The following CEP128 variants were observed in gnomAD, a reference collection of about 807,000 sequenced individuals.
CEP128 encodes the protein centrosomal protein 128kDa.
Under a neutral mutation model 156.7 loss-of-function variants are expected in CEP128, and 132 were observed. That is an observed-to-expected ratio of 0.84 (90% CI 0.73 to 0.97). The LOEUF (loss-of-function observed/expected upper bound fraction) is 0.97, where lower values mean the gene tolerates loss of function less well. Ranked by LOEUF, CEP128 falls within the 50% of genes least tolerant of loss-of-function variation. The pLI, the probability that CEP128 is intolerant of heterozygous loss-of-function variation, is 0.00. For synonymous variants in CEP128, 469 were observed against 448.9 expected (o/e 1.04, Z -0.57); for missense variants, 1,252 against 1,281.9 (o/e 0.98, Z 0.36).
At chr14:80,921,754 A>G (rs1884876041) in intron 2 of CEP128, among the ~76,000 whole-genome samples, 1 of 152,202 alleles carries the variant, frequency 6.6e-6, no homozygotes, top group African/African-American at 2.4e-5. Flanking sequence ...GCCTCAGCTC[A>G]GGAGTTTGAG....
At chr14:80,937,262 A>G (rs1008141033) in intron 2 of CEP128, among the ~76,000 whole-genome samples, 1 of 152,212 alleles carries the variant, frequency 6.6e-6, no homozygotes, top group African/African-American at 2.4e-5. Context: ...TAGAGGCTAC[A>G]GTGAGCCAAG....
At chr14:80,733,452 TACAGGTGGTCTAA>T (rs1898380262) in intron 19 of CEP128, among the ~76,000 whole-genome samples, 2 of 151,752 alleles carry the variant, frequency 1.3e-5, no homozygotes, top group Admixed American at 6.6e-5. Flanking sequence ...CCCAGACTAA[TACAGGTGGTCTAA>T]ACAGAAAGAG....
At chr14:80,695,489 G>T (rs1423921354) in intron 19 of CEP128, among the ~76,000 whole-genome samples, 1 of 151,808 alleles carries the variant, frequency 6.6e-6, no homozygotes, top group Non-Finnish European at 1.5e-5. Context: ...GCCAAGGCAG[G>T]CGGATCACTT....
chr14:80,614,328 T>A (rs141823271), intron 19 of CEP128, among the ~76,000 whole-genome samples: 129 of 152,316 alleles, frequency 8.5e-4, no homozygotes, highest in African/African-American at 2.9e-3. Context: ...TTGGGATCTC[T>A]GCAGCATTTG....
Position 80,914,417 on chromosome 14 carries a change from A to C in CEP128, c.148-9T>G. 1 of 1,602,246 alleles carries C rather than the reference A, an allele frequency of 6.2e-7. No individual in the cohort carries two copies. The highest frequency in any genetic ancestry group is 2.2e-5 in the East Asian group (1 of 44,786). ...AGGTTCCGACTGGTATCCTTGAGAA[A>C]GAAAATGGACTGAATTAATTATTCC... On this transcript the variant is annotated splice_polypyrimidine_tract_variant and intron_variant, in intron 3 of 24. Transcript: ENST00000555265.
At chr14:80,866,517 C>A (rs889156425) in intron 8 of CEP128, among the ~76,000 whole-genome samples, 1 of 152,152 alleles carries the variant, frequency 6.6e-6, no homozygotes. Context: ...CCAGCTCAGG[C>A]CATCTGCTGA....
At chr14:80,714,647 C>T (rs560788130) in intron 19 of CEP128, among the ~76,000 whole-genome samples, 2 of 152,162 alleles carry the variant, frequency 1.3e-5, no homozygotes, top group South Asian at 4.2e-4. Flanking sequence ...CACATTGTCT[C>T]CACACTAACG....
At chr14:80,797,767 CATA>C (rs1046316711) in intron 13 of CEP128, among the ~76,000 whole-genome samples, 49 of 152,204 alleles carry the variant, frequency 3.2e-4, no homozygotes, top group African/African-American at 1.2e-3. Flanking sequence ...TGTACAAACA[CATA>C]ATAAATCCAT....
At chr14:80,893,580 T>C (rs772025780) in intron 8 of CEP128, among the ~76,000 whole-genome samples, 1 of 151,526 alleles carries the variant, frequency 6.6e-6, no homozygotes, top group Non-Finnish European at 1.5e-5. Flanking sequence ...CTTTATACTA[T>C]CTACATATAT....
chr14:80,801,776 T>TAGC (rs1883870751), intron 13 of CEP128, among the ~76,000 whole-genome samples: 1 of 150,892 alleles, frequency 6.6e-6, no homozygotes, highest in African/African-American at 2.4e-5. Context: ...GGCACAGTGG[T>TAGC]GGGTGCCTGT....
At chr14:80,653,247 T>C (rs936211184) in intron 19 of CEP128, among the ~76,000 whole-genome samples, 4 of 152,080 alleles carry the variant, frequency 2.6e-5, no homozygotes, top group African/African-American at 9.7e-5. Flanking sequence ...GACGGGTTGA[T>C]GGGTGCAGCA....
rs1183776459 is a variant in CEP128, at chr14:80,885,821, CA to C, written c.645+9896del. ...GTAGGCTTCAGAAGGTGGGTAACAACAAATTCCTCTAAGCTAAAGGAGAATG... is the reference window on the plus strand; with the variant it reads ...GTAGGCTTCAGAAGGTGGGTAACAACAATTCCTCTAAGCTAAAGGAGAATG... On this transcript the variant is annotated intron_variant, in intron 8 of 24. Transcript: ENST00000555265. Among the ~76,000 whole-genome samples the C allele has an allele frequency of 3.3e-5, 5 of 152,164 alleles. 1 individual carries two copies. The South Asian group carries it at 6.2e-4, about 19-fold the overall frequency.
intron 14 of CEP128, among the ~76,000 whole-genome samples, chr14:80,479,367 G>A (rs947731950): frequency 1.3e-5 from 2 of 152,132 alleles, no homozygotes; most frequent in African/African-American, 4.8e-5. Context: ...ACAAAAAGAG[G>A]TTTAATTGGA....
intron 9 of CEP128, among the ~76,000 whole-genome samples, chr14:80,857,741 AAAC>A (rs899235752): frequency 6.5e-5 from 9 of 138,332 alleles, no homozygotes; most frequent in African/African-American, 1.6e-4. Context: ...TCTCAAAAAA[AAAC>A]AACAACAACA....
In CEP128 at chr14:80,910,727, A is replaced by G. The variant is rs553507188; in HGVS notation, c.234+3595T>C. The stretch of plus-strand genomic sequence containing the variant: ...GGTAGTTTATCCAAATCATCAAGAC[A>G]TGCTTTTTCTGACTTAAGCATGTAG... On this transcript the variant is annotated intron_variant, in intron 4 of 24. Transcript: ENST00000555265. Among the ~76,000 whole-genome samples the G allele has an allele frequency of 3.3e-5, 4 of 119,812 alleles. No homozygotes were observed. The East Asian group carries it at 6.2e-4, about 19-fold the overall frequency. 78.6% of individuals were successfully genotyped at this position (119,812 alleles called of 152,430 possible).
At chr14:80,544,192 G>A (rs1594976472) in intron 21 of CEP128, among the ~76,000 whole-genome samples, 1 of 152,110 alleles carries the variant, frequency 6.6e-6, no homozygotes, top group Non-Finnish European at 1.5e-5. Flanking sequence ...AGAGATAAAC[G>A]TGTATACTAT....
intron 19 of CEP128, among the ~76,000 whole-genome samples, chr14:80,585,489 A>G (rs961724778): frequency 6.6e-5 from 10 of 152,218 alleles, no homozygotes; most frequent in African/African-American, 1.9e-4. Flanking sequence ...TGAAGATCAA[A>G]TTGAGAAATG....
At chr14:80,493,693 G>C (rs184772184), downstream of CEP128, among the ~76,000 whole-genome samples, 2 of 152,138 alleles carry the variant, frequency 1.3e-5, no homozygotes, top group Non-Finnish European at 2.9e-5. Flanking sequence ...CCCTAGACTC[G>C]GCCCTTACAG....
intron 19 of CEP128, among the ~76,000 whole-genome samples, chr14:80,642,987 C>T (rs1894485942): frequency 6.6e-6 from 1 of 152,076 alleles, no homozygotes; most frequent in Non-Finnish European, 1.5e-5. Context: ...ATCTCCTGAC[C>T]TCGTGATCTG....
Sources: gnomAD v4.1 joint callset for allele counts (sites outside exome capture counted in the v4.1 genomes callset) on GRCh38, gnomAD v4.1.1 for gene constraint, MANE v1.5 for transcripts, NCBI Gene and HGNC (gene_info 2026-07-23, HGNC 2026-07-21) for gene names.